The following RAB3IL1 variants were observed in gnomAD, a reference collection of about 807,000 sequenced individuals.
RAB3IL1 encodes RAB3A interacting protein like 1, also known as guanine nucleotide exchange factor for Rab-3A.
A neutral mutation model predicts 49.2 loss-of-function variants in RAB3IL1; 37 were observed. That is an observed-to-expected ratio of 0.75 (90% CI 0.58 to 0.99). The LOEUF (loss-of-function observed/expected upper bound fraction) is 0.99. RAB3IL1 is among the 50% of genes least tolerant of loss of function. RAB3IL1 has a pLI of 0.00. For synonymous variants in RAB3IL1, 193 were observed against 213.9 expected, an observed-to-expected ratio of 0.90 and a Z score of 0.85; for missense variants, 484 against 513.0, an observed-to-expected ratio of 0.94 and a Z score of 0.55.
the RAB3IL1 span, among the ~76,000 whole-genome samples, chr11:61,926,131 A>G: frequency 4.7e-5 from 7 of 147,584 alleles, no homozygotes; most frequent in African/African-American, 1.8e-4. Context: ...AAAAAAAGCC[A>G]AAATTAAAAG....
At position 61,917,522 on chromosome 11, in the gene RAB3IL1, C is replaced by A; in HGVS notation, c.-155G>T. The A allele has an allele frequency of 8.9e-7, 1 of 1,120,316 alleles. No homozygotes were observed. Among genetic ancestry groups the A allele is most frequent in the Non-Finnish European group, 1.1e-6 (1 of 917,892 alleles). The allele number at this position is 1,120,316 out of a possible 1,614,324, so 69.4% of individuals were successfully genotyped here. On this transcript the variant is annotated 5_prime_UTR_variant, in exon 1 of 10. Coordinates refer to ENST00000394836, the MANE Select transcript of RAB3IL1 (RefSeq NM_013401.4). ...GGTCAGTAGGTCTCAGACGCCTGGG[C>A]TCGCGGCCCCCAGCCCAGCCCCGAC...
At chr11:61,923,786 T>C (rs1194933112), upstream of RAB3IL1, among the ~76,000 whole-genome samples, 1 of 152,190 alleles carries the variant, frequency 6.6e-6, no homozygotes, top group Non-Finnish European at 1.5e-5. Flanking sequence ...GCGGATGGAA[T>C]GTTTTGCAGC....
the RAB3IL1 span, among the ~76,000 whole-genome samples, chr11:61,933,645 G>A: frequency 6.6e-6 from 1 of 152,256 alleles, no homozygotes; most frequent in Middle Eastern, 3.4e-3. Flanking sequence ...CTTTGGAATT[G>A]GGTAATGAGT....
intron 9 of RAB3IL1, 36 bp downstream of exon 9, chr11:61,899,278 G>A (rs1181039534): frequency 1.3e-6 from 2 of 1,589,418 alleles, no homozygotes; most frequent in Non-Finnish European, 1.7e-6. Flanking sequence ...CCACTCCCGT[G>A]TGCGATCCCT....
the RAB3IL1 span, among the ~76,000 whole-genome samples, chr11:61,926,318 G>A: frequency 6.6e-5 from 10 of 152,176 alleles, no homozygotes; most frequent in Admixed American, 1.3e-4. Context: ...TAGTGAACCA[G>A]ACAGACAATG....
the RAB3IL1 span, among the ~76,000 whole-genome samples, chr11:61,940,541 T>C: frequency 2.0e-5 from 3 of 151,798 alleles, no homozygotes; most frequent in Non-Finnish European, 4.4e-5. Context: ...AATCCTGGCA[T>C]TTTGGGAGGC....
upstream of RAB3IL1, among the ~76,000 whole-genome samples, chr11:61,919,858 G>T (rs1370629041): frequency 6.6e-6 from 1 of 152,206 alleles, no homozygotes; most frequent in Non-Finnish European, 1.5e-5. Context: ...TCAGCTCACT[G>T]TGTGACCCAG....
At chr11:61,921,746 C>T (rs190628440), upstream of RAB3IL1, among the ~76,000 whole-genome samples, 585 of 152,308 alleles carry the variant, frequency 3.8e-3, 3 homozygotes, top group African/African-American at 0.013. Context: ...ATGTGCCACC[C>T]TGTCTTCATT....
At chr11:61,917,138 G>C (rs1939729076) in intron 1 of RAB3IL1, among the ~76,000 whole-genome samples, 1 of 152,126 alleles carries the variant, frequency 6.6e-6, no homozygotes. Context: ...CCCCGGGACG[G>C]TCGGCTGCCC....
chr11:61,941,139 C>T, the RAB3IL1 span, among the ~76,000 whole-genome samples: 2 of 151,694 alleles, frequency 1.3e-5, no homozygotes, highest in African/African-American at 4.8e-5. Flanking sequence ...AAACTACTAC[C>T]AACCTTACAG....
At chr11:61,944,209 C>CCCT in the RAB3IL1 span, among the ~76,000 whole-genome samples, 1 of 32,172 alleles carries the variant, frequency 3.1e-5, no homozygotes, top group Non-Finnish European at 1.5e-4. Context: ...TCCTTTCCTT[C>CCCT]CCTTCCTTCC....
intron 5 of RAB3IL1, among the ~76,000 whole-genome samples, chr11:61,905,298 C>T (rs950934764): frequency 6.6e-6 from 1 of 152,170 alleles, no homozygotes; most frequent in Non-Finnish European, 1.5e-5. Context: ...TGGGCCCACA[C>T]CTCAGAGGTG....
At chr11:61,905,205 A>G (rs945260228) in intron 5 of RAB3IL1, among the ~76,000 whole-genome samples, 1 of 152,226 alleles carries the variant, frequency 6.6e-6, no homozygotes, top group African/African-American at 2.4e-5. Flanking sequence ...TCAAAGAGCA[A>G]CTAGCAGGAG....
the RAB3IL1 span, among the ~76,000 whole-genome samples, chr11:61,933,412 A>AAATGGATTCTCACCTG: frequency 0.49 from 74,364 of 151,678 alleles, 19,086 homozygotes; most frequent in East Asian, 0.87. Flanking sequence ...AAGAGACAAG[A>AAATGGATTCTCACCTG]GAGCCTCCAG....
chr11:61,913,553 G>A (rs1939554239), intron 1 of RAB3IL1, among the ~76,000 whole-genome samples: 2 of 152,184 alleles, frequency 1.3e-5, no homozygotes, highest in African/African-American at 2.4e-5. Context: ...CCCCTGGCGG[G>A]GGAATCCAGC....
At chr11:61,936,246 A>G in the RAB3IL1 span, among the ~76,000 whole-genome samples, 2 of 152,244 alleles carry the variant, frequency 1.3e-5, no homozygotes, top group African/African-American at 2.4e-5. Context: ...ATATTTGAAG[A>G]AATAATGGCC....
Position 61,908,233 on chromosome 11 carries a change from A to G in RAB3IL1, c.85T>C (p.Cys29Arg). The part of the protein sequence containing the change: ...VPVPWKSTDP[C>R]QGHRESPGAL... ...CCTGGGGACTCCCTGTGGCCTTGGC[A>G]GGGGTCCGTGCTCTTCCAGGGGACC... The change falls in exon 2 of 10, where the codon TGC becomes CGC. Residue 29 changes from cysteine to arginine, a missense_variant. Transcript: ENST00000394836. 1 of 1,539,666 alleles carries G rather than the reference A, an allele frequency of 6.5e-7. No homozygotes were observed. Among genetic ancestry groups the G allele is most frequent in the Non-Finnish European group, 8.8e-7 (1 of 1,141,846 alleles).
At chr11:61,902,318 A>T (rs1218445327) in intron 8 of RAB3IL1, 124 bp downstream of exon 8, 8 of 854,588 alleles carry the variant, frequency 9.4e-6, no homozygotes, top group Non-Finnish European at 1.4e-5. Flanking sequence ...TGTCTCAAAA[A>T]ATAAATAAAT....
At chr11:61,907,975 G>T in intron 2 of RAB3IL1, 79 bp downstream of exon 2, 1 of 1,527,804 alleles carries the variant, frequency 6.5e-7, no homozygotes, top group Non-Finnish European at 8.8e-7. Flanking sequence ...CACATCTCTG[G>T]GCACCTGATG....
Sources: gnomAD v4.1 joint callset for allele counts (sites outside exome capture counted in the v4.1 genomes callset) on GRCh38, gnomAD v4.1.1 for gene constraint, MANE v1.5 for transcripts, NCBI Gene and HGNC (gene_info 2026-07-23, HGNC 2026-07-21) for gene names.